SLC9A6: variants seen among roughly 807,000 people sequenced by gnomAD.
The protein encoded by SLC9A6 is solute carrier family 9 member A6.
Under a neutral mutation model 45.3 loss-of-function variants are expected in SLC9A6, and 6 were observed. The ratio of observed to expected loss-of-function variants is 0.13; its 90% CI spans 0.07 to 0.26. The LOEUF (loss-of-function observed/expected upper bound fraction) is 0.26, where lower values mean the gene tolerates loss of function less well. Among genes scored for constraint, SLC9A6 ranks in the 10% least tolerant of loss-of-function variants. SLC9A6 has a pLI of 1.00. For synonymous variants in SLC9A6, 191 were observed against 187.7 expected, an observed-to-expected ratio of 1.02 and a Z score of -0.14; for missense variants, 278 against 503.7, an observed-to-expected ratio of 0.55 and a Z score of 4.29.
In SLC9A6 at chrX:135,998,484, A is replaced by G. The variant is rs1556616909; in HGVS notation, c.450A>G (p.Arg150=). The part of the protein sequence containing the change: ...IFYAGYSLKR[R]HFFRNLGSIL... ...TGTAACTTTTTTTTTTTTGTCAGAG[A>G]CATTTTTTTCGAAATCTTGGGTCTA... The change falls in exon 5 of 18, where the codon AGA becomes AGG. Residue 150 remains arginine, a splice_region_variant and synonymous_variant. Transcript: ENST00000630721. 8.8e-7 allele frequency: 1 copy of G among 1,141,692 alleles called. No homozygotes were observed. The highest frequency in any genetic ancestry group is 2.1e-5 in the South Asian group (1 of 46,797). The allele number at this position is 1,141,692 out of a possible 1,213,427, so 94.1% of individuals were successfully genotyped here. A position where few individuals can be genotyped will look rare whatever the true frequency, so the allele number is the denominator to read the frequency against.
intron 2 of SLC9A6, among the ~76,000 whole-genome samples, chrX:135,994,052 C>A (rs1462639387): frequency 1.8e-5 from 2 of 110,385 alleles, no homozygotes; most frequent in Non-Finnish European, 3.8e-5. Flanking sequence ...AATAAACTTG[C>A]GAAGTGCATT....
Position 135,993,792 on chromosome X carries a change from G to GA in SLC9A6, c.170-982dup, listed in dbSNP as rs1176309418. On this transcript the variant is annotated intron_variant, in intron 2 of 17. Coordinates refer to ENST00000630721, the MANE Select transcript of SLC9A6 (RefSeq NM_001379110.1). ...GGCAACAGAGCAAAATTTCGTCTCAGAAAAAAAAAAAATTTAGTTTTACAG... is the reference window on the plus strand; with the variant it reads ...GGCAACAGAGCAAAATTTCGTCTCAGAAAAAAAAAAAAATTTAGTTTTACAG... 3.1e-3 allele frequency among the ~76,000 whole-genome samples: 316 copies of GA among 103,340 alleles called. 1 individual carries two copies. The highest frequency in any genetic ancestry group is 3.4e-3 in the Non-Finnish European group (170 of 50,219). The allele number at this position is 103,340 out of a possible 115,157, so 89.7% of individuals were successfully genotyped here.
chrX:136,038,811 G>T (rs2071457096), intron 16 of SLC9A6, among the ~76,000 whole-genome samples: 1 of 103,841 alleles, frequency 9.6e-6, no homozygotes, highest in Non-Finnish European at 1.9e-5. Flanking sequence ...TTTTCTTGTA[G>T]AGTCAAACAT....
chrX:135,989,163 T>C (rs1455518063), intron 2 of SLC9A6, among the ~76,000 whole-genome samples: 1 of 111,560 alleles, frequency 9.0e-6, no homozygotes, highest in African/African-American at 3.3e-5. Flanking sequence ...TTTTCCTTTA[T>C]CTGAGAAGCA....
At chrX:136,007,093 C>T (rs1556618099) in intron 7 of SLC9A6, among the ~76,000 whole-genome samples, 2 of 111,109 alleles carry the variant, frequency 1.8e-5, no homozygotes, top group Non-Finnish European at 3.8e-5. Context: ...TCTCGAACTC[C>T]CAACCTCAGG....
intron 13 of SLC9A6, 130 bp downstream of exon 13, chrX:136,024,613 T>C: frequency 1.6e-6 from 1 of 617,520 alleles, no homozygotes; most frequent in Non-Finnish European, 2.5e-6. Flanking sequence ...GTATGTAATA[T>C]ATAGTACAGA....
chrX:135,977,626 C>A (rs1165514896), intron 1 of SLC9A6, among the ~76,000 whole-genome samples: 1 of 111,767 alleles, frequency 8.9e-6, no homozygotes, highest in Non-Finnish European at 1.9e-5. Context: ...TTTCGTACAA[C>A]CTCTCTGGGT....
chrX:135,987,240 T>G (rs2089353749), intron 2 of SLC9A6, among the ~76,000 whole-genome samples: 1 of 112,336 alleles, frequency 8.9e-6, no homozygotes, highest in African/African-American at 3.2e-5. Flanking sequence ...GCAGTGCACC[T>G]TAAGCCAAAT....
intron 6 of SLC9A6, among the ~76,000 whole-genome samples, chrX:136,000,830 T>C (rs972424311): frequency 9.0e-6 from 1 of 110,658 alleles, no homozygotes; most frequent in African/African-American, 3.3e-5. Context: ...ACTATATCTT[T>C]TAAAATATAC....
intron 2 of SLC9A6, among the ~76,000 whole-genome samples, chrX:135,990,183 T>C (rs1302425510): frequency 9.0e-6 from 1 of 111,138 alleles, no homozygotes. Flanking sequence ...AGATGGGGTT[T>C]CACTGTGTTA....
At chrX:136,016,116 C>T (rs1426524266) in intron 10 of SLC9A6, among the ~76,000 whole-genome samples, 2 of 111,199 alleles carry the variant, frequency 1.8e-5, no homozygotes, top group Non-Finnish European at 3.8e-5. Context: ...GAGAGGAAGA[C>T]CCACGCAAAA....
chrX:135,973,957 G>T (rs1346819507), upstream of SLC9A6: 6 of 1,082,129 alleles, frequency 5.5e-6, no homozygotes, highest in Non-Finnish European at 7.3e-6. Flanking sequence ...TAAACGAAGA[G>T]GCGAAAGCGG....
At chrX:136,015,665 GTAA>G (rs2071006010) in intron 10 of SLC9A6, among the ~76,000 whole-genome samples, 1 of 111,901 alleles carries the variant, frequency 8.9e-6, no homozygotes, top group African/African-American at 3.2e-5. Context: ...TAAATAAGTA[GTAA>G]TAATAGCATA....
At chrX:136,010,072 A>T in intron 7 of SLC9A6, 1 of 164,114 alleles carries the variant, frequency 6.1e-6, no homozygotes, top group African/African-American at 3.0e-5. Flanking sequence ...GGGATTTTTC[A>T]TTAGTTTGTT....
intron 8 of SLC9A6, among the ~76,000 whole-genome samples, chrX:136,012,631 G>A (rs1290152812): frequency 8.9e-6 from 1 of 112,478 alleles, no homozygotes; most frequent in African/African-American, 3.2e-5. Flanking sequence ...GATTAATAGA[G>A]GTGGCATGTT....
chrX:136,028,789 G>C (rs1168308762), intron 13 of SLC9A6, 97 bp from the exon 14 acceptor site: 2 of 276,474 alleles, frequency 7.2e-6, no homozygotes, highest in Non-Finnish European at 1.3e-5. Flanking sequence ...TGTGTTCTGG[G>C]ATGCTACTGC....
At chrX:135,986,109 A>C (rs1352836080) in intron 2 of SLC9A6, among the ~76,000 whole-genome samples, 1 of 109,530 alleles carries the variant, frequency 9.1e-6, no homozygotes, top group Non-Finnish European at 1.9e-5. Context: ...CTGCCTACCA[A>C]GCTCGGGACC....
upstream of SLC9A6, chrX:135,983,727 C>T (rs2089298744): frequency 9.6e-6 from 1 of 104,518 alleles, no homozygotes. Context: ...TTCAAGTTCC[C>T]AACACTCAGT....
intron 2 of SLC9A6, among the ~76,000 whole-genome samples, chrX:135,992,285 C>A (rs2089445082): frequency 9.0e-6 from 1 of 111,395 alleles, no homozygotes; most frequent in African/African-American, 3.3e-5. Flanking sequence ...TTCAAAAAAT[C>A]CTTCTCGCCT....
Sources: allele counts gnomAD v4.1 joint callset (sites outside exome capture counted in the v4.1 genomes callset), GRCh38; gene constraint gnomAD v4.1.1; transcripts MANE v1.5; gene names NCBI Gene and HGNC (gene_info 2026-07-23, HGNC 2026-07-21).